TMEM165: variants seen among roughly 807,000 people sequenced by gnomAD.
The protein encoded by TMEM165 is transmembrane protein 165.
TMEM165 carries 19 observed loss-of-function variants against 30.0 expected under a neutral mutation model. The ratio of observed to expected loss-of-function variants is 0.63; its 90% CI spans 0.44 to 0.93. The LOEUF (loss-of-function observed/expected upper bound fraction) is 0.93, where lower values mean the gene tolerates loss of function less well. Ranked by LOEUF, TMEM165 falls within the 40% of genes least tolerant of loss-of-function variation. The pLI is 0.00. For missense variants in TMEM165, 340 were observed against 417.0 expected (o/e 0.82, Z 1.61); for synonymous variants, 168 against 162.9 (o/e 1.03, Z -0.24).
intron 1 of TMEM165, chr4:55,403,355 C>G: frequency 8.3e-7 from 1 of 1,199,030 alleles, no homozygotes; most frequent in African/African-American, 1.7e-5. Flanking sequence ...GTATCAATTT[C>G]AATACAGTCA....
At chr4:55,448,581 T>G (rs1466926045) in intron 3 of TMEM165, among the ~76,000 whole-genome samples, 1 of 126,060 alleles carries the variant, frequency 7.9e-6, no homozygotes, top group African/African-American at 2.8e-5. Flanking sequence ...TAATTATATA[T>G]GTGCGCGCGC....
intron 1 of TMEM165, among the ~76,000 whole-genome samples, chr4:55,407,001 T>C (rs1721297239): frequency 6.6e-6 from 1 of 152,244 alleles, no homozygotes; most frequent in Admixed American, 6.5e-5. Flanking sequence ...TAGCATTACA[T>C]TTATACATAT....
At position 55,444,598 on chromosome 4, in the gene TMEM165, G is replaced by T. The variant is rs761910591; in HGVS notation, c.409-7641G>T. 74 of 1,613,076 alleles carry T rather than the reference G, an allele frequency of 4.6e-5. 1 individual carries two copies. In the South Asian group the frequency reaches 8.1e-4, roughly 18 times the overall value. ...TTTCCTAGAAATCCAAAATGTGAAT[G>T]GGATGCTTTGTTTGTATTCAAATAT... On this transcript the variant is annotated intron_variant, in intron 3 of 3. Coordinates refer to the TMEM165 transcript ENST00000608091.
At chr4:55,444,819 T>G in intron 3 of TMEM165, 4 of 1,602,570 alleles carry the variant, frequency 2.5e-6, no homozygotes, top group Non-Finnish European at 3.4e-6. Context: ...GTGTAATATA[T>G]TTTAGAATTA....
chr4:55,402,136 C>T (rs1401563629), intron 1 of TMEM165, among the ~76,000 whole-genome samples: 1 of 85,038 alleles, frequency 1.2e-5, no homozygotes, highest in Non-Finnish European at 2.3e-5. Context: ...AAAAAAGAAA[C>T]TAAACACATT....
At chr4:55,450,348 A>G (rs776589859) in intron 3 of TMEM165, 1 of 1,128,054 alleles carries the variant, frequency 8.9e-7, no homozygotes, top group Non-Finnish European at 1.3e-6. Context: ...AGGCAAAAGT[A>G]CCTGTATGTA....
intron 3 of TMEM165, chr4:55,432,845 T>C (rs377311278): frequency 3.3e-5 from 5 of 152,544 alleles, no homozygotes; most frequent in East Asian, 1.9e-4. Context: ...TTTAATTTTT[T>C]CCCCCGACTA....
intron 4 of TMEM165, 45 bp downstream of exon 4, chr4:55,418,030 A>G: frequency 6.5e-7 from 1 of 1,532,562 alleles, no homozygotes; most frequent in South Asian, 1.3e-5. Flanking sequence ...AAACGTAATT[A>G]TTATTACTTT....
intron 4 of TMEM165, among the ~76,000 whole-genome samples, chr4:55,420,608 G>A (rs981590689): frequency 2.0e-5 from 3 of 151,954 alleles, no homozygotes; most frequent in African/African-American, 7.3e-5. Context: ...TGCCCTGCGG[G>A]GATATTTAAT....
chr4:55,445,579 A>ATTTTTTTTTTTTTTTTTT (rs1191320465), intron 3 of TMEM165, among the ~76,000 whole-genome samples: 1 of 65,516 alleles, frequency 1.5e-5, no homozygotes, highest in East Asian at 7.2e-4. Flanking sequence ...CTATTTCTAT[A>ATTTTTTTTTTTTTTTTTT]TTCTTTTTTT....
chr4:55,414,263 C>T (rs571005865), intron 2 of TMEM165, among the ~76,000 whole-genome samples: 2 of 140,294 alleles, frequency 1.4e-5, no homozygotes, highest in African/African-American at 5.1e-5. Flanking sequence ...GAGTGAGACT[C>T]CGTCTCAAAA....
chr4:55,449,348 C>T (rs776279712), intron 3 of TMEM165: 2 of 1,473,494 alleles, frequency 1.4e-6, no homozygotes, highest in Non-Finnish European at 1.9e-6. Context: ...ATCATTTTTC[C>T]CCTCTTAATA....
At chr4:55,400,335 TAATATTAATTATATTATATTAATATA>T (rs1413043443) in intron 1 of TMEM165, among the ~76,000 whole-genome samples, 5 of 54,732 alleles carry the variant, frequency 9.1e-5, no homozygotes, top group East Asian at 3.7e-4. Context: ...ATATATAATA[TAATATTAATTATATTATATTAATATA>T]ATTAATTATA....
At chr4:55,449,555 TA>T in intron 3 of TMEM165, 2 of 1,383,994 alleles carry the variant, frequency 1.4e-6, no homozygotes, top group Non-Finnish European at 2.1e-6. Context: ...TTTTAAAGAT[TA>T]ATCTCAAAAT....
At chr4:55,417,555 G>T in intron 3 of TMEM165, 1 of 546,134 alleles carries the variant, frequency 1.8e-6, no homozygotes, top group South Asian at 2.6e-5. Context: ...TGGTGTCTAG[G>T]ATAGTAAGTG....
intron 1 of TMEM165, chr4:55,403,330 C>G: frequency 2.4e-6 from 3 of 1,276,022 alleles, no homozygotes; most frequent in Non-Finnish European, 3.1e-6. Flanking sequence ...GATGGAGATT[C>G]CGATGCAGGT....
chr4:55,411,593 T>A (rs373650474), intron 1 of TMEM165, 21 bp from the exon 2 acceptor site: 9 of 1,568,690 alleles, frequency 5.7e-6, no homozygotes, highest in Non-Finnish European at 7.8e-6. Flanking sequence ...TTTTAAGAAG[T>A]AACTGATTTT....
chr4:55,430,477 T>A (rs1186423552), downstream of TMEM165: 1 of 152,208 alleles, frequency 6.6e-6, no homozygotes. Flanking sequence ...TTGTGAACTG[T>A]TCAACACTGT....
At chr4:55,445,917 T>TAA (rs1320989679) in intron 3 of TMEM165, among the ~76,000 whole-genome samples, 2 of 151,958 alleles carry the variant, frequency 1.3e-5, no homozygotes, top group Non-Finnish European at 2.9e-5. Context: ...TTCTTTAGGT[T>TAA]CTCTTTACTT....
Sources: gnomAD v4.1 joint callset for allele counts (sites outside exome capture counted in the v4.1 genomes callset) on GRCh38, gnomAD v4.1.1 for gene constraint, MANE v1.5 for transcripts, NCBI Gene and HGNC (gene_info 2026-07-23, HGNC 2026-07-21) for gene names.